Variants in PIK3C3 observed in about 807,000 individuals in gnomAD.
The protein encoded by PIK3C3 is phosphatidylinositol 3-kinase catalytic subunit type 3, also known as PI3-kinase type 3.
Under a neutral mutation model 126.1 loss-of-function variants are expected in PIK3C3, and 95 were observed. That is an observed-to-expected ratio of 0.75 (90% CI 0.64 to 0.89). The LOEUF (loss-of-function observed/expected upper bound fraction) is 0.89, where lower values mean the gene tolerates loss of function less well. Among genes scored for constraint, PIK3C3 ranks in the 40% least tolerant of loss-of-function variants. The pLI is 0.00. For missense variants in PIK3C3, 829 were observed against 1,063.2 expected, an observed-to-expected ratio of 0.78 and a Z score of 3.06; for synonymous variants, 374 against 360.0, an observed-to-expected ratio of 1.04 and a Z score of -0.44.
At chr18:41,979,064 TAAAAAA>T (rs5824388) in intron 4 of PIK3C3, among the ~76,000 whole-genome samples, 3 of 93,766 alleles carry the variant, frequency 3.2e-5, no homozygotes, top group Non-Finnish European at 6.1e-5. Context: ...CCCCGTCTCT[TAAAAAA>T]AAAAAAAAAA....
intron 20 of PIK3C3, 113 bp downstream of exon 20, chr18:42,043,930 G>A (rs1984441925): frequency 4.6e-6 from 3 of 655,802 alleles, no homozygotes; most frequent in Non-Finnish European, 8.0e-6. Context: ...TGCTCTATAG[G>A]AAGAGTAAAA....
At chr18:42,048,106 C>T (rs1984636422) in intron 20 of PIK3C3, among the ~76,000 whole-genome samples, 1 of 152,166 alleles carries the variant, frequency 6.6e-6, no homozygotes, top group Admixed American at 6.5e-5. Context: ...TTTAAGTCCT[C>T]CTCAGTGGAC....
At chr18:42,046,665 T>G (rs2144485671) in intron 20 of PIK3C3, among the ~76,000 whole-genome samples, 1 of 152,284 alleles carries the variant, frequency 6.6e-6, no homozygotes, top group East Asian at 1.9e-4. Context: ...CTAGCAAATT[T>G]ATTTCAGGTC....
At chr18:42,037,612 T>A in intron 16 of PIK3C3, 80 bp from the exon 17 acceptor site, 1 of 1,271,444 alleles carries the variant, frequency 7.9e-7, no homozygotes, top group South Asian at 1.5e-5. Context: ...ATCTTATATA[T>A]CAACATTTTC....
chr18:41,958,001 T>C (rs1196070093), intron 2 of PIK3C3, among the ~76,000 whole-genome samples: 1 of 152,238 alleles, frequency 6.6e-6, no homozygotes, highest in African/African-American at 2.4e-5. Context: ...AGCACTTGAC[T>C]GATTTACATG....
chr18:41,964,147 G>T (rs546167909), intron 3 of PIK3C3, among the ~76,000 whole-genome samples: 5 of 151,880 alleles, frequency 3.3e-5, no homozygotes, highest in Admixed American at 6.6e-5. Context: ...TGAAAGAGTG[G>T]TATAGTGAGA....
In PIK3C3 at chr18:41,957,745, A is replaced by C. The variant is rs1255656458; in HGVS notation, c.244A>C (p.Ser82Arg). Residue 82 changes from serine (S) to arginine (R), a missense_variant, in exon 2 of 25, where the codon AGT becomes CGT. Physicochemically the swap from Ser to Arg is moderately radical, Grantham distance 110. Around this residue, in one of 4 missense-constraint regions of PIK3C3, gnomAD observed 313 missense variants for 340.7 expected, o/e 0.92. Coordinates refer to ENST00000262039, the MANE Select transcript of PIK3C3 (RefSeq NM_002647.4). ...AGTGAGAACATCCTACAAAGCATTT[A>C]GTACAAGATGGAAGTAAGTTTTTTT... ...LPVRTSYKAF[S>R]TRWNWNEWLK... 1.9e-6 allele frequency: 3 copies of C among 1,610,152 alleles called. No individual in the cohort carries two copies. The highest frequency in any genetic ancestry group is 2.5e-6 in the Non-Finnish European group (3 of 1,178,916).
rs895584255 is a variant in PIK3C3, at chr18:41,970,637, G to A, written c.531+181G>A. ...TTCACCCTTGGAAAGCATACAGTCT[G>A]ATGGTTTAGTAAATTTACAGACTTG... On this transcript the variant is annotated intron_variant, in intron 4 of 24. Transcript: ENST00000262039. The A allele has an allele frequency of 6.2e-5, 40 of 641,906 alleles. 2 individuals carry two copies. In the South Asian group the frequency reaches 6.4e-4, roughly 10 times the overall value. 39.8% of individuals were successfully genotyped at this position (641,906 alleles called of 1,614,324 possible).
At chr18:41,997,015 A>G (rs1982059699) in intron 9 of PIK3C3, among the ~76,000 whole-genome samples, 1 of 152,130 alleles carries the variant, frequency 6.6e-6, no homozygotes, top group Non-Finnish European at 1.5e-5. Flanking sequence ...AGGATGAGGC[A>G]ACTTACTTTG....
chr18:41,989,106 G>T (rs1009324578), intron 5 of PIK3C3, among the ~76,000 whole-genome samples: 5 of 150,250 alleles, frequency 3.3e-5, no homozygotes, highest in African/African-American at 1.2e-4. Flanking sequence ...TGTTTTTTTT[G>T]GGGGACAAGG....
chr18:42,064,758 G>T lies in PIK3C3; in HGVS notation c.2451G>T (p.Leu817Phe). 6.3e-7 allele frequency: 1 copy of T among 1,592,004 alleles called. No individual in the cohort carries two copies. Among genetic ancestry groups the T allele is most frequent in the South Asian group, 1.1e-5 (1 of 90,296 alleles). The stretch of plus-strand genomic sequence containing the variant: ...TCTTTAGGTATTCTAATCTGATTTT[G>T]AACTTGTTTTCCTTGATGGTTGATG... ...LHLRRYSNLILNLFSLMVDAN... is the reference protein window; with the variant it reads ...LHLRRYSNLIFNLFSLMVDAN... The change falls in exon 23 of 25, where the codon TTG becomes TTT. Residue 817 changes from leucine to phenylalanine, a missense_variant. Physicochemically the swap from Leu to Phe is conservative, Grantham distance 22. This residue lies in a region of PIK3C3 where 196 missense variants were observed against 312.8 expected (regional missense o/e 0.63). Coordinates refer to ENST00000262039, the MANE Select transcript of PIK3C3 (RefSeq NM_002647.4).
intron 20 of PIK3C3, among the ~76,000 whole-genome samples, chr18:42,047,880 GGTGA>G (rs892387083): frequency 6.6e-4 from 101 of 152,276 alleles, no homozygotes; most frequent in African/African-American, 2.3e-3. Flanking sequence ...CTAGATCAAG[GGTGA>G]GTAAGACTTT....
intron 4 of PIK3C3, among the ~76,000 whole-genome samples, chr18:41,972,572 A>G (rs1980721773): frequency 6.6e-6 from 1 of 152,082 alleles, no homozygotes; most frequent in Non-Finnish European, 1.5e-5. Flanking sequence ...TTCATCCCTA[A>G]TAGAATTGTA....
chr18:41,957,075 A>C (rs73454596), intron 1 of PIK3C3, among the ~76,000 whole-genome samples: 5,835 of 152,286 alleles, frequency 0.038, 357 homozygotes, highest in African/African-American at 0.13. Context: ...TGCAGTTAAA[A>C]GTAAATTTTT....
chr18:42,046,194 T>A (rs1160092503), intron 20 of PIK3C3, among the ~76,000 whole-genome samples: 2 of 152,216 alleles, frequency 1.3e-5, no homozygotes, highest in East Asian at 3.8e-4. Flanking sequence ...CCTCTGTAAG[T>A]GATTTAATGG....
At chr18:41,977,133 A>G (rs955025667) in intron 4 of PIK3C3, among the ~76,000 whole-genome samples, 3 of 152,340 alleles carry the variant, frequency 2.0e-5, no homozygotes, top group African/African-American at 7.2e-5. Flanking sequence ...TTAAGTCAGT[A>G]AACAGTGACC....
intron 24 of PIK3C3, among the ~76,000 whole-genome samples, chr18:42,079,688 TCATACATAGACG>T (rs1986166952): frequency 6.6e-6 from 1 of 152,214 alleles, no homozygotes; most frequent in Non-Finnish European, 1.5e-5. Flanking sequence ...AACATTTTTG[TCATACATAGACG>T]CATACACGTG....
chr18:42,037,608 T>C (rs532941836), intron 16 of PIK3C3, 84 bp from the exon 17 acceptor site: 3 of 1,225,120 alleles, frequency 2.4e-6, no homozygotes, highest in African/African-American at 3.0e-5. Flanking sequence ...ATTTATCTTA[T>C]ATATCAACAT....
intron 15 of PIK3C3, among the ~76,000 whole-genome samples, chr18:42,032,597 C>T (rs1466895365): frequency 1.3e-5 from 2 of 151,360 alleles, no homozygotes; most frequent in African/African-American, 4.9e-5. Context: ...AGATTTCTCT[C>T]CCCATTCTTA....
Sources: gnomAD v4.1 joint callset for allele counts (sites outside exome capture counted in the v4.1 genomes callset) on GRCh38, gnomAD v4.1.1 for gene constraint, gnomAD v4.1.1 regional missense constraint, MANE v1.5 for transcripts, NCBI Gene and HGNC (gene_info 2026-07-23, HGNC 2026-07-21) for gene names.